KCNT2: variants seen among roughly 807,000 people sequenced by gnomAD.
The protein encoded by KCNT2 is potassium sodium-activated channel subfamily T member 2.
A neutral mutation model predicts 153.8 loss-of-function variants in KCNT2; 67 were observed. The ratio of observed to expected loss-of-function variants is 0.44; its 90% CI spans 0.36 to 0.53. The LOEUF (loss-of-function observed/expected upper bound fraction) is 0.53, where lower values mean the gene tolerates loss of function less well. KCNT2 is among the 20% of genes least tolerant of loss of function. The pLI, the probability that KCNT2 is intolerant of heterozygous loss-of-function variation, is 0.00. For missense variants in KCNT2, 975 were observed against 1,354.8 expected, an observed-to-expected ratio of 0.72 and a Z score of 4.40; for synonymous variants, 500 against 458.8, an observed-to-expected ratio of 1.09 and a Z score of -1.15.
chr1:196,298,109 C>T (rs566009190), intron 22 of KCNT2, among the ~76,000 whole-genome samples: 65 of 152,066 alleles, frequency 4.3e-4, no homozygotes, highest in Non-Finnish European at 8.2e-4. Context: ...TTTGTTCTAC[C>T]ACTGACTATA....
intron 8 of KCNT2, among the ~76,000 whole-genome samples, chr1:196,447,995 C>T (rs184072156): frequency 3.6e-4 from 54 of 151,570 alleles, no homozygotes; most frequent in African/African-American, 1.3e-3. Flanking sequence ...TATTCTTCCA[C>T]TGCTCTATGT....
intron 8 of KCNT2, among the ~76,000 whole-genome samples, chr1:196,433,043 A>C (rs1000624577): frequency 6.6e-6 from 1 of 152,056 alleles, no homozygotes; most frequent in Non-Finnish European, 1.5e-5. Flanking sequence ...TAGAATTAGC[A>C]ACCTTATAAA....
At position 196,227,982 on chromosome 1, in the gene KCNT2, AT is replaced by A. The variant is rs1429838648; in HGVS notation, c.*241del. The A allele has an allele frequency of 3.2e-6, 1 of 316,810 alleles. No homozygotes were observed. Among genetic ancestry groups the A allele is most frequent in the Non-Finnish European group, 5.7e-6 (1 of 175,042 alleles). 19.6% of individuals were successfully genotyped at this position (316,810 alleles called of 1,614,324 possible). On this transcript the variant is annotated 3_prime_UTR_variant, in exon 28 of 28. Transcript: ENST00000294725. ...TAAAACAATTAAATGTCAGATTTAA[AT>A]TTTTGTATTTTAATTTAGCTTTTCA...
At chr1:196,430,717 G>A (rs941359730) in intron 8 of KCNT2, among the ~76,000 whole-genome samples, 88 of 152,090 alleles carry the variant, frequency 5.8e-4, no homozygotes, top group Non-Finnish European at 1.1e-3. Context: ...AGAGAGCAGC[G>A]TAAAAGTTGT....
intron 6 of KCNT2, 136 bp downstream of exon 6, chr1:196,468,858 T>G: frequency 1.7e-6 from 1 of 604,386 alleles, no homozygotes; most frequent in Non-Finnish European, 3.0e-6. Context: ...TTTATCTTGT[T>G]GCTTAGTATC....
At chr1:196,313,394 G>T (rs1310083566) in intron 21 of KCNT2, among the ~76,000 whole-genome samples, 1 of 151,508 alleles carries the variant, frequency 6.6e-6, no homozygotes, top group Non-Finnish European at 1.5e-5. Context: ...GATCATCTAG[G>T]TAAGATTGTT....
intron 1 of KCNT2, among the ~76,000 whole-genome samples, chr1:196,568,723 A>T (rs1343031646): frequency 6.6e-6 from 1 of 151,292 alleles, no homozygotes; most frequent in Non-Finnish European, 1.5e-5. Context: ...CAGGCCACAG[A>T]CCAGTATTGG....
At chr1:196,293,626 T>C (rs1423452616) in intron 22 of KCNT2, among the ~76,000 whole-genome samples, 1 of 140,784 alleles carries the variant, frequency 7.1e-6, no homozygotes, top group Non-Finnish European at 1.5e-5. Flanking sequence ...AATTGGACCT[T>C]ATCTCATGCT....
intron 25 of KCNT2, among the ~76,000 whole-genome samples, chr1:196,267,694 T>C (rs113433055): frequency 0.05 from 7,563 of 152,218 alleles, 284 homozygotes; most frequent in Non-Finnish European, 0.071. Context: ...CAACTGCTGG[T>C]TGCATACTGA....
intron 1 of KCNT2, among the ~76,000 whole-genome samples, chr1:196,554,195 A>G (rs900387118): frequency 6.6e-6 from 1 of 151,304 alleles, no homozygotes; most frequent in African/African-American, 2.4e-5. Context: ...TTTGAAATGA[A>G]CAATACAAAA....
intron 25 of KCNT2, among the ~76,000 whole-genome samples, chr1:196,276,178 C>T (rs1658550691): frequency 6.6e-6 from 1 of 151,724 alleles, no homozygotes; most frequent in Admixed American, 6.6e-5. Context: ...CTACCTTTGC[C>T]CTCATCATCT....
chr1:196,467,273 A>T (rs1282135751), intron 7 of KCNT2, among the ~76,000 whole-genome samples: 3 of 152,052 alleles, frequency 2.0e-5, no homozygotes, highest in Non-Finnish European at 4.4e-5. Context: ...AGAAATTCTG[A>T]ACCATTTTTC....
intron 14 of KCNT2, among the ~76,000 whole-genome samples, chr1:196,349,992 A>G (rs1666510028): frequency 6.6e-6 from 1 of 152,146 alleles, no homozygotes; most frequent in Non-Finnish European, 1.5e-5. Flanking sequence ...TTTACTGAGA[A>G]TGATAATTTC....
chr1:196,442,719 C>T (rs1280282418), intron 8 of KCNT2, among the ~76,000 whole-genome samples: 2 of 151,218 alleles, frequency 1.3e-5, no homozygotes, highest in Non-Finnish European at 3.0e-5. Flanking sequence ...GACTCTGAAG[C>T]AGAGAAAAAA....
intron 12 of KCNT2, among the ~76,000 whole-genome samples, chr1:196,403,809 T>A (rs2148458062): frequency 6.6e-6 from 1 of 151,810 alleles, no homozygotes; most frequent in East Asian, 1.9e-4. Context: ...AACCTTGGGC[T>A]CTAATCTTCA....
At chr1:196,548,839 G>T in intron 1 of KCNT2, among the ~76,000 whole-genome samples, 1 of 152,072 alleles carries the variant, frequency 6.6e-6, no homozygotes, top group Non-Finnish European at 1.5e-5. Context: ...AAAATGAAGA[G>T]TTCACGTCCT....
chr1:196,544,008 CTAGT>C (rs1219524714), intron 1 of KCNT2, among the ~76,000 whole-genome samples: 4 of 152,062 alleles, frequency 2.6e-5, no homozygotes, highest in African/African-American at 9.7e-5. Flanking sequence ...CCGTGGGTGA[CTAGT>C]TAAACTATAG....
intron 27 of KCNT2, among the ~76,000 whole-genome samples, chr1:196,231,896 G>C (rs1319996251): frequency 1.3e-5 from 2 of 151,784 alleles, no homozygotes; most frequent in African/African-American, 4.8e-5. Context: ...TTCTAAGAAA[G>C]TCATGTTCCA....
intron 1 of KCNT2, among the ~76,000 whole-genome samples, chr1:196,571,593 G>A (rs535069279): frequency 6.6e-6 from 1 of 152,200 alleles, no homozygotes; most frequent in South Asian, 2.1e-4. Flanking sequence ...TACCTCTATT[G>A]TGGAACACTT....
Sources: gnomAD v4.1 joint callset for allele counts (sites outside exome capture counted in the v4.1 genomes callset) on GRCh38, gnomAD v4.1.1 for gene constraint, MANE v1.5 for transcripts, NCBI Gene and HGNC (gene_info 2026-07-23, HGNC 2026-07-21) for gene names.